Variants in EXOSC9 observed in about 807,000 individuals in gnomAD.
EXOSC9 encodes the protein exosome component 9, also known as exosome complex component RRP45.
A neutral mutation model predicts 56.5 loss-of-function variants in EXOSC9; 38 were observed. That is an observed-to-expected ratio of 0.67 (90% confidence interval 0.52 to 0.88). The LOEUF (loss-of-function observed/expected upper bound fraction) is 0.88. EXOSC9 is among the 40% of genes least tolerant of loss of function. The probability of loss-of-function intolerance (pLI) is 0.00; values close to 1 mark genes in which losing one functional copy is unlikely to be tolerated. For synonymous variants in EXOSC9, 170 were observed against 170.8 expected, an observed-to-expected ratio of 0.99 and a Z score of 0.04; for missense variants, 559 against 530.5, an observed-to-expected ratio of 1.05 and a Z score of -0.53.
intron 8 of EXOSC9, among the ~76,000 whole-genome samples, chr4:121,812,672 G>A (rs559678051): frequency 1.3e-5 from 2 of 152,136 alleles, no homozygotes; most frequent in Admixed American, 1.3e-4. Flanking sequence ...TATATTTTTA[G>A]TAGGGATGGG....
At chr4:121,813,636 G>T (rs983861758) in intron 9 of EXOSC9, 1 of 533,072 alleles carries the variant, frequency 1.9e-6, no homozygotes, top group Non-Finnish European at 3.3e-6. Context: ...AAAATGTTGA[G>T]AGAATCTGTC....
chr4:121,802,847 T>C, intron 3 of EXOSC9, 54 bp downstream of exon 3: 1 of 1,608,126 alleles, frequency 6.2e-7, no homozygotes, highest in Non-Finnish European at 8.5e-7. Flanking sequence ...CTAACAGCAG[T>C]GAGCTTTTGT....
chr4:121,804,512 C>T (rs1032067951), intron 4 of EXOSC9, 110 bp from the exon 5 acceptor site: 11 of 655,116 alleles, frequency 1.7e-5, no homozygotes, highest in South Asian at 7.8e-5. Context: ...GGAGTAACTG[C>T]GTGTTTTAAC....
rs1028538353 is a variant in EXOSC9, at chr4:121,815,419, T to C, written c.1157-950T>C. The C allele has an allele frequency of 4.1e-6, 4 of 984,898 alleles. No homozygotes were observed. In the African/African-American group the frequency reaches 7.0e-5, roughly 17 times the overall value. 61.0% of individuals were successfully genotyped at this position (984,898 alleles called of 1,614,324 possible). A position where few individuals can be genotyped will look rare whatever the true frequency, so the allele number is the denominator to read the frequency against. ...AAGGTGGACCTAAGCATTGGAAAAATGGAGCAGGTACAGCCTTCCTAAAGC... is the reference window on the plus strand; with the variant it reads ...AAGGTGGACCTAAGCATTGGAAAAACGGAGCAGGTACAGCCTTCCTAAAGC... On this transcript the variant is annotated intron_variant, in intron 10 of 11. Coordinates refer to ENST00000243498, the MANE Select transcript of EXOSC9 (RefSeq NM_005033.3).
intron 4 of EXOSC9, among the ~76,000 whole-genome samples, chr4:121,804,076 C>T (rs901966287): frequency 6.6e-6 from 1 of 152,070 alleles, no homozygotes; most frequent in Admixed American, 6.5e-5. Flanking sequence ...TTATAGCTCA[C>T]TGTAATCTTA....
rs1338637914 is a variant in EXOSC9 at position 121,801,402 on chromosome 4, T to C, written c.-23T>C. On this transcript the variant is annotated 5_prime_UTR_variant, in exon 1 of 12. Transcript: ENST00000243498. ...CGTTTTTCCCGCGGATTCTGGTGCC[T>C]GTGGGGCCGGTGACCCAACACCATG... 3.1e-6 allele frequency: 5 copies of C among 1,611,380 alleles called. No homozygotes were observed. Among genetic ancestry groups the C allele is most frequent in the Admixed American group, 1.7e-5 (1 of 59,996 alleles).
In EXOSC9 at chr4:121,811,541, G is replaced by C. The variant is rs201453126; in HGVS notation, c.739-42G>C. The C allele has an allele frequency of 2.9e-5, 33 of 1,157,254 alleles. No homozygotes were observed. In the African/African-American group the frequency reaches 4.1e-4, roughly 14 times the overall value. The allele number at this position is 1,157,254 out of a possible 1,614,324, so 71.7% of individuals were successfully genotyped here. On this transcript the variant is annotated intron_variant, in intron 7 of 11. Coordinates refer to ENST00000243498, the MANE Select transcript of EXOSC9 (RefSeq NM_005033.3). ...TTAGTTTCATTAGAGAAAACTATTTGGTTTATTGTCTTTAAACAACAGAAT... is the reference window on the plus strand; with the variant it reads ...TTAGTTTCATTAGAGAAAACTATTTCGTTTATTGTCTTTAAACAACAGAAT...
In EXOSC9 at chr4:121,803,023, G is replaced by C. The variant is rs779236011; in HGVS notation, c.384+6G>C. On this transcript the variant is annotated splice_donor_region_variant and intron_variant, in intron 4 of 11. Coordinates refer to ENST00000243498, the MANE Select transcript of EXOSC9 (RefSeq NM_005033.3). Reference sequence around the variant, plus strand: ...GTGTTGTTGCTGGTGAAAAGGTGGGGAATATGCCCATAATTCTTAATCTTA... The same window carrying C: ...GTGTTGTTGCTGGTGAAAAGGTGGGCAATATGCCCATAATTCTTAATCTTA... 1 of 1,573,016 alleles carries C rather than the reference G, an allele frequency of 6.4e-7. No homozygotes were observed. Among genetic ancestry groups the C allele is most frequent in the South Asian group, 1.1e-5 (1 of 90,052 alleles).
In EXOSC9 at chr4:121,816,397, A is replaced by C. The variant is rs769958780; in HGVS notation, c.1185A>C (p.Glu395Asp). The change falls in exon 11 of 12, where the codon GAA becomes GAC. Residue 395 changes from glutamate to aspartate, a missense_variant. Physicochemically the swap from Glu to Asp is conservative, Grantham distance 45. Coordinates refer to ENST00000243498, the MANE Select transcript of EXOSC9 (RefSeq NM_005033.3). ...CTCCCATAATACTCTCAGATAGTGA[A>C]GAAGAAGAAATGATCATTTTGGAAC... is the stretch of plus-strand genomic sequence containing the variant. ...QDAPIILSDS[E>D]EEEMIILEPD... The C allele has an allele frequency of 6.4e-7, 1 of 1,565,084 alleles. No individual in the cohort carries two copies. The highest frequency in any genetic ancestry group is 8.7e-7 in the Non-Finnish European group (1 of 1,155,152).
chr4:121,811,992 A>C (rs1349680918), intron 8 of EXOSC9, among the ~76,000 whole-genome samples: 1 of 152,082 alleles, frequency 6.6e-6, no homozygotes, highest in African/African-American at 2.4e-5. Flanking sequence ...AGAGGATGTT[A>C]TAACACAAGC....
chr4:121,815,358 T>C, intron 10 of EXOSC9: 6 of 979,556 alleles, frequency 6.1e-6, no homozygotes, highest in Non-Finnish European at 7.3e-6. Flanking sequence ...AGTGTATTCT[T>C]CTAACAGTGA....
Position 121,806,176 on chromosome 4 carries a change from A to G in EXOSC9, c.523-1364A>G, listed in dbSNP as rs1371044636. Among the ~76,000 whole-genome samples the G allele has an allele frequency of 2.0e-5, 3 of 151,526 alleles. 1 individual carries two copies. Among genetic ancestry groups the G allele is most frequent in the Non-Finnish European group, 4.4e-5 (3 of 67,872 alleles). ...AATTTTTTTTTTTTCTTTTGAGACA[A>G]AGTTTCACTGTTGTTGCCTAGGCTA... On this transcript the variant is annotated intron_variant, in intron 5 of 11. Transcript: ENST00000243498.
chr4:121,811,018 A>G (rs888754939), intron 7 of EXOSC9, among the ~76,000 whole-genome samples: 1 of 152,202 alleles, frequency 6.6e-6, no homozygotes, highest in Non-Finnish European at 1.5e-5. Flanking sequence ...TCCATATAGC[A>G]TACAGTGTAG....
chr4:121,806,676 A>G (rs1371052160), intron 5 of EXOSC9, among the ~76,000 whole-genome samples: 2 of 152,218 alleles, frequency 1.3e-5, no homozygotes, highest in African/African-American at 2.4e-5. Flanking sequence ...CTGTTCAGTA[A>G]TGAAAAGAAC....
At chr4:121,806,880 G>T (rs1727036859) in intron 5 of EXOSC9, among the ~76,000 whole-genome samples, 1 of 152,116 alleles carries the variant, frequency 6.6e-6, no homozygotes, top group African/African-American at 2.4e-5. Flanking sequence ...ACGGACTACA[G>T]ACAGATTCAA....
intron 10 of EXOSC9, chr4:121,815,964 C>T: frequency 8.1e-7 from 1 of 1,239,694 alleles, no homozygotes; most frequent in Non-Finnish European, 1.0e-6. Context: ...TAAGCCTCCA[C>T]CTAGAGTTTT....
chr4:121,802,233 G>A (rs1726889559), intron 2 of EXOSC9, among the ~76,000 whole-genome samples: 1 of 152,210 alleles, frequency 6.6e-6, no homozygotes, highest in African/African-American at 2.4e-5. Context: ...TTGTCATTAA[G>A]TGTACATCCT....
chr4:121,803,932 T>C (rs1726944298), intron 4 of EXOSC9, among the ~76,000 whole-genome samples: 1 of 152,212 alleles, frequency 6.6e-6, no homozygotes, highest in Admixed American at 6.5e-5. Flanking sequence ...TACTTCCTAT[T>C]TGCATTACTT....
At chr4:121,804,577 G>A (rs1726964557) in intron 4 of EXOSC9, 45 bp from the exon 5 acceptor site, 1 of 1,305,712 alleles carries the variant, frequency 7.7e-7, no homozygotes, top group Non-Finnish European at 1.1e-6. Flanking sequence ...ATAGCCACTG[G>A]TTGTAATCAG....
Sources: gnomAD v4.1 joint callset for allele counts (sites outside exome capture counted in the v4.1 genomes callset) on GRCh38, gnomAD v4.1.1 for gene constraint, MANE v1.5 for transcripts, NCBI Gene and HGNC (gene_info 2026-07-23, HGNC 2026-07-21) for gene names.